Variants in TEFM observed in about 807,000 individuals in gnomAD.
The protein encoded by TEFM is transcription elongation factor of mitochondria.
Under a neutral mutation model 23.0 loss-of-function variants are expected in TEFM, and 14 were observed. That is an observed-to-expected ratio of 0.61 (90% CI 0.40 to 0.95). The LOEUF is 0.95. Among genes scored for constraint, TEFM ranks in the 40% least tolerant of loss-of-function variants. The pLI, the probability that TEFM is intolerant of heterozygous loss-of-function variation, is 0.00. For synonymous variants in TEFM, 155 were observed against 158.3 expected, an observed-to-expected ratio of 0.98 and a Z score of 0.16; for missense variants, 386 against 425.5, an observed-to-expected ratio of 0.91 and a Z score of 0.82.
chr17:30,900,685 T>C lies in TEFM; in HGVS notation c.496-123A>G, dbSNP rs541275248. On this transcript the variant is annotated intron_variant, in intron 2 of 3. Transcript: ENST00000581216. The stretch of plus-strand genomic sequence containing the variant: ...GGCGCGATCTCAACTCACTACAAGC[T>C]CCACCTTCTGGGTTCATGCCATTCT... The C allele has an allele frequency of 5.6e-4, 451 of 804,160 alleles. 3 individuals are homozygous for C. The African/African-American group carries it at 6.9e-3, about 12-fold the overall frequency. 49.8% of individuals were successfully genotyped at this position (804,160 alleles called of 1,614,324 possible). A position where few individuals can be genotyped will look rare whatever the true frequency, so the allele number is the denominator to read the frequency against.
At chr17:30,905,468 C>G (rs1296902299) in intron 1 of TEFM, among the ~76,000 whole-genome samples, 1 of 148,804 alleles carries the variant, frequency 6.7e-6, no homozygotes, top group African/African-American at 2.5e-5. Context: ...TGCGGTGAGC[C>G]GAGATCGCAC....
rs1909979729 is a variant in TEFM, at chr17:30,899,097, A to G, written c.*72T>C. ...ACTGAAAATGTGTTCTTTTCCAATA[A>G]CATGGATGTTCACAACAGTTGGTGT... On this transcript the variant is annotated 3_prime_UTR_variant, in exon 4 of 4. Transcript: ENST00000581216. The G allele has an allele frequency of 4.6e-6, 6 of 1,315,358 alleles. No homozygotes were observed. The highest frequency in any genetic ancestry group is 2.1e-6 in the Non-Finnish European group (2 of 970,888). The allele number at this position is 1,315,358 out of a possible 1,614,324, so 81.5% of individuals were successfully genotyped here.
At position 30,904,264 on chromosome 17, in the gene TEFM, G is replaced by A. The variant is rs377501758; in HGVS notation, c.297C>T (p.Ile99=). 1.9e-6 allele frequency: 3 copies of A among 1,614,012 alleles called. No homozygotes were observed. The highest frequency in any genetic ancestry group is 1.7e-5 in the Admixed American group (1 of 59,984). The change falls in exon 2 of 4, where the codon ATC becomes ATT. Residue 99 remains isoleucine (I), a synonymous_variant. Transcript: ENST00000581216. ...RLLRGRRSIN[I]VEHRENFGPF... is the part of the protein sequence containing the mutation. Reference sequence around the variant, plus strand: ...GCCCAAAGTTTTCTCTGTGCTCTACGATATTGATGGACCTTCTTCCACGAA... The same window carrying A: ...GCCCAAAGTTTTCTCTGTGCTCTACAATATTGATGGACCTTCTTCCACGAA...
chr17:30,900,215 C>T (rs1211156949), intron 3 of TEFM, 198 bp downstream of exon 3: 3 of 485,306 alleles, frequency 6.2e-6, no homozygotes, highest in Non-Finnish European at 1.1e-5. Flanking sequence ...GCCTTCGATG[C>T]ATAAGGCATT....
chr17:30,900,498 C>A lies in TEFM; in HGVS notation c.560G>T (p.Arg187Leu), dbSNP rs762776323. The change falls in exon 3 of 4, where the codon CGT (arginine) becomes CTT (leucine). Residue 187 changes from arginine (R) to leucine (L), a missense_variant. Arg to Leu is a moderately radical substitution (Grantham distance 102). Transcript: ENST00000581216. ...TRRIAWAHLDRKLTVLDWQQS... is the reference protein window; with the variant it reads ...TRRIAWAHLDLKLTVLDWQQS... ...CTGCCAGTCCAGCACTGTCAACTTA[C>A]GATCAAGGTGAGCCCAGGCAATTCT... is the stretch of plus-strand genomic sequence containing the variant. 6.2e-7 allele frequency: 1 copy of A among 1,614,108 alleles called. No individual in the cohort carries two copies. Among genetic ancestry groups the A allele is most frequent in the Non-Finnish European group, 8.5e-7 (1 of 1,179,966 alleles).
chr17:30,904,046 A>G lies in TEFM; in HGVS notation c.495+20T>C. The G allele has an allele frequency of 2.5e-6, 4 of 1,597,970 alleles. No homozygotes were observed. The highest frequency in any genetic ancestry group is 3.4e-6 in the Non-Finnish European group (4 of 1,169,608). On this transcript the variant is annotated intron_variant, in intron 2 of 3. Coordinates refer to ENST00000581216, the MANE Select transcript of TEFM (RefSeq NM_024683.4). ...TAGGTTCTCAAATATTAGGCAGTATAGCAGACATGAAGAATATACCTTAAG... is the reference window on the plus strand; with the variant it reads ...TAGGTTCTCAAATATTAGGCAGTATGGCAGACATGAAGAATATACCTTAAG...
At chr17:30,900,880 A>G (rs1430780067) in intron 2 of TEFM, among the ~76,000 whole-genome samples, 8 of 152,224 alleles carry the variant, frequency 5.3e-5, no homozygotes, top group Non-Finnish European at 8.8e-5. Context: ...AGCTAGGATT[A>G]CAGGCATGAG....
chr17:30,901,995 A>C (rs1328931232), intron 2 of TEFM, among the ~76,000 whole-genome samples: 1 of 152,192 alleles, frequency 6.6e-6, no homozygotes, highest in Non-Finnish European at 1.5e-5. Context: ...TGACCTAGGG[A>C]AGGTGGGAAG....
chr17:30,900,254 A>G, intron 3 of TEFM, 159 bp downstream of exon 3: 1 of 673,070 alleles, frequency 1.5e-6, no homozygotes, highest in Non-Finnish European at 2.3e-6. Context: ...TTGAATTTTT[A>G]AAAATCAAAG....
In TEFM at chr17:30,904,121, T is replaced by G; in HGVS notation, c.440A>C (p.Glu147Ala). The G allele has an allele frequency of 6.2e-7, 1 of 1,614,132 alleles. No individual in the cohort carries two copies. Residue 147 changes from glutamate (E) to alanine (A), a missense_variant, in exon 2 of 4, where the codon GAA becomes GCA. Physicochemically the swap from Glu to Ala is moderately radical, Grantham distance 107. Coordinates refer to ENST00000581216, the MANE Select transcript of TEFM (RefSeq NM_024683.4). Reference protein sequence around the residue: ...KTGREKRKSPENRFLRKLLKP... With the variant: ...KTGREKRKSPANRFLRKLLKP... ...GAGGAGCTTTCTCAGGAACCGGTTT[T>G]CCGGTGACTTTCTTTTTTCCCGTCC...
chr17:30,901,236 G>T (rs1297660578), intron 2 of TEFM, among the ~76,000 whole-genome samples: 1 of 151,898 alleles, frequency 6.6e-6, no homozygotes, highest in African/African-American at 2.4e-5. Context: ...GGCCAGGCTG[G>T]TCTTGAGCTC....
At chr17:30,902,279 ATATCT>A (rs59116262) in intron 2 of TEFM, among the ~76,000 whole-genome samples, 15,958 of 152,200 alleles carry the variant, frequency 0.1, 942 homozygotes, top group South Asian at 0.24. Context: ...GACTGGATAA[ATATCT>A]TAAAGACAAA....
rs956671700 is a variant in TEFM, at chr17:30,900,326, T to C, written c.645+87A>G. The C allele has an allele frequency of 2.3e-6, 3 of 1,293,176 alleles. No homozygotes were observed. In the African/African-American group the frequency reaches 4.4e-5, roughly 19 times the overall value. The allele number at this position is 1,293,176 out of a possible 1,614,324, so 80.1% of individuals were successfully genotyped here. ...GTACCAGAAGAAAACCCATCTTTACTATTTTATTACATTCCTTTTGGGACC... is the reference window on the plus strand; with the variant it reads ...GTACCAGAAGAAAACCCATCTTTACCATTTTATTACATTCCTTTTGGGACC... On this transcript the variant is annotated intron_variant, in intron 3 of 3. Coordinates refer to ENST00000581216, the MANE Select transcript of TEFM (RefSeq NM_024683.4).
chr17:30,903,231 T>G (rs1196201639), intron 2 of TEFM, among the ~76,000 whole-genome samples: 1 of 146,276 alleles, frequency 6.8e-6, no homozygotes, highest in African/African-American at 2.5e-5. Context: ...AGAATGGTGT[T>G]TTTTTTTTTT....
chr17:30,904,600 A>G, intron 1 of TEFM, 71 bp from the exon 2 acceptor site: 1 of 1,089,694 alleles, frequency 9.2e-7, no homozygotes, highest in Non-Finnish European at 1.3e-6. Context: ...AAGCTTGACT[A>G]GATCCTTTGC....
chr17:30,904,948 G>T (rs1910135214), intron 1 of TEFM, among the ~76,000 whole-genome samples: 1 of 152,030 alleles, frequency 6.6e-6, no homozygotes, highest in African/African-American at 2.4e-5. Context: ...AAAGTGCTGG[G>T]ATTACAGGCG....
Position 30,899,337 on chromosome 17 carries a change from G to A in TEFM, c.915C>T (p.Phe305=), listed in dbSNP as rs756194380. The part of the protein sequence containing the change: ...SGKELVKQFL[F]DSILKADPRV... ...GAGGATCCGCCTTCAGTATAGAATCGAAGAGAAACTGCTTCACTAGCTCTT... is the reference window on the plus strand; with the variant it reads ...GAGGATCCGCCTTCAGTATAGAATCAAAGAGAAACTGCTTCACTAGCTCTT... The change falls in exon 4 of 4, where the codon TTC becomes TTT. Residue 305 remains phenylalanine (F), a synonymous_variant. Transcript: ENST00000581216. The A allele has an allele frequency of 6.8e-6, 11 of 1,614,062 alleles. No individual in the cohort carries two copies. In the South Asian group the frequency reaches 7.7e-5, roughly 11 times the overall value.
rs931732447 is a variant in TEFM at position 30,899,528 on chromosome 17, A to G, written c.724T>C (p.Ser242Pro). The change falls in exon 4 of 4, where the codon TCT becomes CCT. Residue 242 changes from serine to proline, a missense_variant. Physicochemically the swap from Ser to Pro is moderately conservative, Grantham distance 74 (BLOSUM62 -1). Transcript: ENST00000581216. ...EKTGLSIQNSSLFPILLHFHI... is the reference protein window; with the variant it reads ...EKTGLSIQNSPLFPILLHFHI... ...AAATGTAACAGTATTGGAAACAGAG[A>G]TGAGTTCTGAATGGAAAGTCCTGTT... 5.6e-6 allele frequency: 9 copies of G among 1,613,410 alleles called. No individual in the cohort carries two copies. The African/African-American group carries it at 1.1e-4, about 19-fold the overall frequency.
chr17:30,899,774 G>C (rs982479866), intron 3 of TEFM, 168 bp from the exon 4 acceptor site: 2 of 467,112 alleles, frequency 4.3e-6, no homozygotes, highest in African/African-American at 4.0e-5. Context: ...TCTGGTTCTG[G>C]TCATGGTTAT....
Sources: allele counts gnomAD v4.1 joint callset (sites outside exome capture counted in the v4.1 genomes callset), GRCh38; gene constraint gnomAD v4.1.1; transcripts MANE v1.5; gene names NCBI Gene and HGNC (gene_info 2026-07-23, HGNC 2026-07-21).